CAPZA2: variants seen among roughly 807,000 people sequenced by gnomAD.
CAPZA2 encodes the protein F-actin-capping protein subunit alpha-2.
A neutral mutation model predicts 44.0 loss-of-function variants in CAPZA2; 13 were observed. That is an observed-to-expected ratio of 0.30 (90% confidence interval 0.19 to 0.47). CAPZA2 has a LOEUF of 0.47. Ranked by LOEUF, CAPZA2 falls within the 20% of genes least tolerant of loss-of-function variation. CAPZA2 has a pLI of 1.00. For missense variants in CAPZA2, 244 were observed against 338.6 expected (o/e 0.72, Z 2.19); for synonymous variants, 94 against 108.2 (o/e 0.87, Z 0.81).
At chr7:116,911,082 C>T (rs1022282691) in intron 7 of CAPZA2, among the ~76,000 whole-genome samples, 2 of 151,228 alleles carry the variant, frequency 1.3e-5, no homozygotes, top group Non-Finnish European at 2.9e-5. Context: ...ACCAAGTACT[C>T]GATGAATGGT....
intron 8 of CAPZA2, chr7:116,915,508 G>C (rs1484792065): frequency 6.6e-6 from 1 of 152,116 alleles, no homozygotes; most frequent in Non-Finnish European, 1.5e-5. Flanking sequence ...AGGTGTTAGA[G>C]ACTTTTACAT....
rs1328729666 is a variant in CAPZA2, at chr7:116,919,786, AC to A, written c.*1922del. ...AGGCTGAGGCAGGAGAATGGCGTGAACCCGGGAGGCGGAGCTCGCAGTGAGC... is the reference window on the plus strand; with the variant it reads ...AGGCTGAGGCAGGAGAATGGCGTGAACCGGGAGGCGGAGCTCGCAGTGAGC... On this transcript the variant is annotated 3_prime_UTR_variant, in exon 10 of 10. Transcript: ENST00000361183. 10 of 151,648 alleles carry A rather than the reference AC, an allele frequency of 6.6e-5. No individual in the cohort carries two copies. The highest frequency in any genetic ancestry group is 1.3e-4 in the Non-Finnish European group (9 of 67,938). 9.4% of individuals were successfully genotyped at this position (151,648 alleles called of 1,614,324 possible). A position where few individuals can be genotyped will look rare whatever the true frequency, so the allele number is the denominator to read the frequency against.
At position 116,914,414 on chromosome 7, in the gene CAPZA2, T is replaced by G. The variant is rs1459397241; in HGVS notation, c.658-1646T>G. Reference sequence around the variant, plus strand: ...AGATGCTACCTAAGAAGATAAGCTATATTTACATATACATACATACACACA... The same window carrying G: ...AGATGCTACCTAAGAAGATAAGCTAGATTTACATATACATACATACACACA... On this transcript the variant is annotated intron_variant, in intron 8 of 9. Transcript: ENST00000361183. Among the ~76,000 whole-genome samples, 13 of 145,762 alleles carry G rather than the reference T, an allele frequency of 8.9e-5. No individual in the cohort carries two copies. The Admixed American group carries it at 9.5e-4, about 11-fold the overall frequency.
At chr7:116,869,015 T>A (rs1456357960) in intron 1 of CAPZA2, among the ~76,000 whole-genome samples, 2 of 152,272 alleles carry the variant, frequency 1.3e-5, no homozygotes, top group East Asian at 1.9e-4. Flanking sequence ...TGCATGTTAG[T>A]GTGAGAATAC....
intron 3 of CAPZA2, among the ~76,000 whole-genome samples, chr7:116,894,327 A>C (rs1055469401): frequency 6.7e-6 from 1 of 148,296 alleles, no homozygotes; most frequent in Admixed American, 6.9e-5. Flanking sequence ...GCGCCACTGC[A>C]CTCCAGCCTG....
Position 116,914,751 on chromosome 7 carries a change from C to G in CAPZA2, c.658-1309C>G, listed in dbSNP as rs542736224. 1.8e-4 allele frequency among the ~76,000 whole-genome samples: 27 copies of G among 152,344 alleles called. 1 individual carries two copies. In the East Asian group the frequency reaches 5.0e-3, roughly 28 times the overall value. Reference sequence around the variant, plus strand: ...GGATTACAGGCATGGGCCACCACACCCAGCCCCTGAAGCTATCTTTTAAAA... The same window carrying G: ...GGATTACAGGCATGGGCCACCACACGCAGCCCCTGAAGCTATCTTTTAAAA... On this transcript the variant is annotated intron_variant, in intron 8 of 9. Coordinates refer to ENST00000361183, the MANE Select transcript of CAPZA2 (RefSeq NM_006136.3).
At chr7:116,870,690 A>C (rs940095977) in intron 1 of CAPZA2, among the ~76,000 whole-genome samples, 4 of 152,228 alleles carry the variant, frequency 2.6e-5, no homozygotes, top group African/African-American at 9.7e-5. Flanking sequence ...AGAGCTGGTA[A>C]GAACAGTTGA....
At position 116,921,493 on chromosome 7, in the gene CAPZA2, G is replaced by A. The variant is rs1791770002; in HGVS notation, c.*3626G>A. On this transcript the variant is annotated 3_prime_UTR_variant, in exon 10 of 10. Transcript: ENST00000361183. Reference sequence around the variant, plus strand: ...AGGTCAGGAGTTCAAGACCAGTCTGGCTAATATGATGAAACCCCTTCTGTA... The same window carrying A: ...AGGTCAGGAGTTCAAGACCAGTCTGACTAATATGATGAAACCCCTTCTGTA... 6.6e-6 allele frequency: 1 copy of A among 151,788 alleles called. No homozygotes were observed. Among genetic ancestry groups the A allele is most frequent in the South Asian group, 2.1e-4 (1 of 4,810 alleles). 9.4% of individuals were successfully genotyped at this position (151,788 alleles called of 1,614,324 possible). A position where few individuals can be genotyped will look rare whatever the true frequency, so the allele number is the denominator to read the frequency against.
chr7:116,893,170 G>A (rs531495017), intron 3 of CAPZA2, 125 bp downstream of exon 3: 18 of 518,230 alleles, frequency 3.5e-5, no homozygotes, highest in South Asian at 6.2e-5. Context: ...TCACTCTGTC[G>A]TCCAGGCTGG....
At chr7:116,913,996 T>C in intron 8 of CAPZA2, among the ~76,000 whole-genome samples, 1 of 151,990 alleles carries the variant, frequency 6.6e-6, no homozygotes, top group African/African-American at 2.4e-5. Flanking sequence ...CATCAACTGC[T>C]TATATACAAT....
intron 1 of CAPZA2, among the ~76,000 whole-genome samples, chr7:116,872,388 A>T (rs1796564312): frequency 6.6e-6 from 1 of 152,220 alleles, no homozygotes; most frequent in Non-Finnish European, 1.5e-5. Flanking sequence ...TGGTAAAAAC[A>T]TATTTAAAGA....
intron 1 of CAPZA2, chr7:116,876,291 A>C (rs1200151281): frequency 6.6e-6 from 1 of 151,054 alleles, no homozygotes; most frequent in Non-Finnish European, 1.5e-5. Context: ...AAGAGGTTTG[A>C]CTGGCTCCTG....
chr7:116,869,538 G>A (rs1796523296), intron 1 of CAPZA2, among the ~76,000 whole-genome samples: 2 of 152,170 alleles, frequency 1.3e-5, no homozygotes, highest in Non-Finnish European at 2.9e-5. Context: ...AGGCTGCATT[G>A]TACAATCAAT....
chr7:116,892,025 A>G (rs1296740082), intron 2 of CAPZA2, among the ~76,000 whole-genome samples: 1 of 152,236 alleles, frequency 6.6e-6, no homozygotes, highest in Non-Finnish European at 1.5e-5. Flanking sequence ...CTCTCAACTA[A>G]CAAGTATATT....
rs201926723 is a variant in CAPZA2 at position 116,865,174 on chromosome 7, C to CTTT, written c.39+2526_39+2527insTTT. ...ATGTTCTTGTGACATTATGCGCTCT[C>CTTT]TTCTTTTTTTTTTTTTTTTTTTTTT... On this transcript the variant is annotated intron_variant, in intron 1 of 9. Transcript: ENST00000361183. 1.9e-3 allele frequency among the ~76,000 whole-genome samples: 234 copies of CTTT among 122,014 alleles called. 14 individuals are homozygous for CTTT. Among genetic ancestry groups the CTTT allele is most frequent in the African/African-American group, 7.0e-3 (211 of 30,000 alleles). 80.0% of individuals were successfully genotyped at this position (122,014 alleles called of 152,430 possible).
chr7:116,900,933 G>A (rs1054805903), intron 4 of CAPZA2, among the ~76,000 whole-genome samples: 2 of 152,016 alleles, frequency 1.3e-5, no homozygotes, highest in Non-Finnish European at 2.9e-5. Flanking sequence ...CTGATAATTA[G>A]AAAAATGCAA....
At position 116,921,635 on chromosome 7, in the gene CAPZA2, CTG is replaced by C. The variant is rs1274428877; in HGVS notation, c.*3771_*3772del. ...AAGTGACAGTTACAACGAGCGGAGACTGTGCCACTTCACTGCAGCCTGGGTGA... is the reference window on the plus strand; with the variant it reads ...AAGTGACAGTTACAACGAGCGGAGACTGCCACTTCACTGCAGCCTGGGTGA... On this transcript the variant is annotated 3_prime_UTR_variant, in exon 10 of 10. Transcript: ENST00000361183. 4 of 152,330 alleles carry C rather than the reference CTG, an allele frequency of 2.6e-5. No homozygotes were observed. Among genetic ancestry groups the C allele is most frequent in the South Asian group, 2.1e-4 (1 of 4,828 alleles). The allele number at this position is 152,330 out of a possible 1,614,324, so 9.4% of individuals were successfully genotyped here. A position where few individuals can be genotyped will look rare whatever the true frequency, so the allele number is the denominator to read the frequency against.
chr7:116,919,146 C>T lies in CAPZA2; in HGVS notation c.*1279C>T, dbSNP rs1430866441. 6.8e-6 allele frequency: 1 copy of T among 147,784 alleles called. No individual in the cohort carries two copies. The highest frequency in any genetic ancestry group is 1.5e-5 in the Non-Finnish European group (1 of 66,858). 9.2% of individuals were successfully genotyped at this position (147,784 alleles called of 1,614,324 possible). A position where few individuals can be genotyped will look rare whatever the true frequency, so the allele number is the denominator to read the frequency against. On this transcript the variant is annotated 3_prime_UTR_variant, in exon 10 of 10. Coordinates refer to ENST00000361183, the MANE Select transcript of CAPZA2 (RefSeq NM_006136.3). ...TTTTATTATGTACAATAAAATATTT[C>T]ATTAGCTTGAATTGTATAGATTTTT...
At chr7:116,885,605 A>G (rs2115912304) in intron 1 of CAPZA2, among the ~76,000 whole-genome samples, 1 of 152,294 alleles carries the variant, frequency 6.6e-6, no homozygotes, top group Middle Eastern at 3.4e-3. Context: ...CTGACCAGCT[A>G]TAGATCCAGA....
Sources: allele counts gnomAD v4.1 joint callset (sites outside exome capture counted in the v4.1 genomes callset), GRCh38; gene constraint gnomAD v4.1.1; transcripts MANE v1.5; gene names NCBI Gene and HGNC (gene_info 2026-07-23, HGNC 2026-07-21).